SDK1: variants seen among roughly 807,000 people sequenced by gnomAD.
SDK1 encodes protein sidekick-1.
In SDK1, 157 loss-of-function variants were observed where a neutral mutation model predicts 245.5. The observed-to-expected ratio is 0.64, with a 90% CI of 0.56 to 0.73. The LOEUF is 0.73. Ranked by LOEUF, SDK1 falls within the 30% of genes least tolerant of loss-of-function variation. SDK1 has a pLI of 0.00. For missense variants in SDK1, 3,583 were observed against 3,002.3 expected (o/e 1.19, Z -4.52); for synonymous variants, 1,647 against 1,278.5 (o/e 1.29, Z -6.15).
In SDK1 at chr7:3,980,816, C is replaced by T. The variant is rs545293591; in HGVS notation, c.1994+6271C>T. Among the ~76,000 whole-genome samples, 7 of 152,202 alleles carry T rather than the reference C, an allele frequency of 4.6e-5. No homozygotes were observed. The East Asian group carries it at 1.2e-3, about 25-fold the overall frequency. ...AATTAGCCGGGCGTGGTGTTGGGCA[C>T]CTGTAATCCCAGCTACTCAGGAGGC... On this transcript the variant is annotated intron_variant, in intron 13 of 44. Transcript: ENST00000404826.
intron 35 of SDK1, among the ~76,000 whole-genome samples, chr7:4,179,560 G>A (rs752761180): frequency 3.3e-5 from 5 of 152,170 alleles, no homozygotes; most frequent in Admixed American, 6.5e-5. Context: ...GCATACAAAT[G>A]AGGATGCGTG....
intron 5 of SDK1, among the ~76,000 whole-genome samples, chr7:3,920,645 A>G (rs1312574812): frequency 1.3e-5 from 2 of 152,186 alleles, no homozygotes; most frequent in African/African-American, 4.8e-5. Flanking sequence ...GCAAGGCGGC[A>G]CTTAAACTGC....
chr7:4,212,551 G>T (rs899491114), intron 38 of SDK1, among the ~76,000 whole-genome samples: 1 of 152,178 alleles, frequency 6.6e-6, no homozygotes, highest in Non-Finnish European at 1.5e-5. Flanking sequence ...TTCGAGGGGC[G>T]GCCAGGATCT....
At chr7:3,517,883 T>C (rs1050134589) in intron 1 of SDK1, among the ~76,000 whole-genome samples, 4 of 152,186 alleles carry the variant, frequency 2.6e-5, no homozygotes, top group Admixed American at 6.5e-5. Context: ...CTTTTTATTA[T>C]GGTATCTTTA....
chr7:3,482,194 C>G (rs183388903), intron 1 of SDK1, among the ~76,000 whole-genome samples: 8 of 152,096 alleles, frequency 5.3e-5, no homozygotes, highest in Admixed American at 6.5e-5. Context: ...CCTTAAACTA[C>G]CTACCTACTA....
At chr7:3,799,345 A>T (rs933002546) in intron 4 of SDK1, among the ~76,000 whole-genome samples, 1 of 150,632 alleles carries the variant, frequency 6.6e-6, no homozygotes, top group Non-Finnish European at 1.5e-5. Context: ...CCAGTTACTC[A>T]TTTAGGCCCC....
At chr7:4,191,394 CAA>C (rs1398433753) in intron 35 of SDK1, among the ~76,000 whole-genome samples, 2 of 152,264 alleles carry the variant, frequency 1.3e-5, no homozygotes, top group Non-Finnish European at 2.9e-5. Flanking sequence ...TCACTGTAGA[CAA>C]AGGTTGTGGA....
intron 1 of SDK1, among the ~76,000 whole-genome samples, chr7:3,366,629 G>C (rs1781099280): frequency 1.3e-5 from 2 of 152,044 alleles, no homozygotes; most frequent in South Asian, 4.1e-4. Flanking sequence ...TACATTTATG[G>C]GGATAGTTGA....
rs116150529 is a variant in SDK1 at position 3,482,311 on chromosome 7, C to T, written c.299-136769C>T. Among the ~76,000 whole-genome samples, 850 of 152,250 alleles carry T rather than the reference C, an allele frequency of 5.6e-3. 11 individuals are homozygous for T. The highest frequency in any genetic ancestry group is 0.019 in the African/African-American group (804 of 41,534). ...GCAGGGTGAAAAAGGGCAAGCCAGA[C>T]TCTAGGGAGGGCAGCGAGCTCTTAG... is the stretch of plus-strand genomic sequence containing the variant. On this transcript the variant is annotated intron_variant, in intron 1 of 44. Transcript: ENST00000404826.
At chr7:3,590,778 CTTTTTTT>C (rs34165148) in intron 1 of SDK1, among the ~76,000 whole-genome samples, 1 of 115,232 alleles carries the variant, frequency 8.7e-6, no homozygotes, top group African/African-American at 3.5e-5. Context: ...GAGTATAGCA[CTTTTTTT>C]TTTTTTTTTT....
chr7:3,534,849 A>C (rs1778828353), intron 1 of SDK1, among the ~76,000 whole-genome samples: 1 of 152,186 alleles, frequency 6.6e-6, no homozygotes, highest in Admixed American at 6.5e-5. Flanking sequence ...TCATGTTCAA[A>C]ATGGTGGCCC....
In SDK1 at chr7:4,208,251, G is replaced by A. The variant is rs745774711; in HGVS notation, c.5367G>A (p.Lys1789=). Residue 1789 remains lysine, a synonymous_variant, in exon 37 of 45, where the codon AAG becomes AAA. Transcript: ENST00000404826. ...TCAACGCCGCCGGAGATGGACCTAA[G>A]AGTGACCCCCAGCAGGGGCGCACCC... ...SAFNAAGDGP[K]SDPQQGRTHQ... 6 of 1,613,852 alleles carry A rather than the reference G, an allele frequency of 3.7e-6. No individual in the cohort carries two copies. The highest frequency in any genetic ancestry group is 3.3e-5 in the South Asian group (3 of 91,064).
chr7:3,836,914 GCT>G (rs1474579808), intron 5 of SDK1, among the ~76,000 whole-genome samples: 2 of 152,056 alleles, frequency 1.3e-5, no homozygotes, highest in Admixed American at 1.3e-4. Context: ...TCCCTTCCTG[GCT>G]CTTAGAGAGC....
chr7:3,563,135 G>A (rs1779802784), intron 1 of SDK1, among the ~76,000 whole-genome samples: 1 of 152,070 alleles, frequency 6.6e-6, no homozygotes, highest in Admixed American at 6.6e-5. Flanking sequence ...AAAGCAAGAG[G>A]TGCAGCTTTT....
At chr7:4,152,065 T>C (rs1780420131) in intron 30 of SDK1, among the ~76,000 whole-genome samples, 1 of 152,232 alleles carries the variant, frequency 6.6e-6, no homozygotes, top group South Asian at 2.1e-4. Flanking sequence ...CTGCTAGGAC[T>C]CTGTCCTCTC....
chr7:3,537,874 A>G (rs1778932672), intron 1 of SDK1, among the ~76,000 whole-genome samples: 1 of 152,154 alleles, frequency 6.6e-6, no homozygotes, highest in African/African-American at 2.4e-5. Flanking sequence ...AATCCAGGTA[A>G]TCTCCCTGTT....
Position 3,328,407 on chromosome 7 carries a change from G to A in SDK1, c.298+26523G>A, listed in dbSNP as rs1010915255. Among the ~76,000 whole-genome samples, 3 of 152,024 alleles carry A rather than the reference G, an allele frequency of 2.0e-5. No homozygotes were observed. The East Asian group carries it at 5.8e-4, about 29-fold the overall frequency. On this transcript the variant is annotated intron_variant, in intron 1 of 44. Transcript: ENST00000404826. ...AAATGATGATGATGATTTCATTTTA[G>A]ATCATGCTAACATTCTAGTTCAGAT...
At chr7:3,972,360 T>G (rs1782556832) in intron 12 of SDK1, among the ~76,000 whole-genome samples, 1 of 151,898 alleles carries the variant, frequency 6.6e-6, no homozygotes, top group African/African-American at 2.4e-5. Context: ...ATTCCAGGAG[T>G]GAGCTGCCGT....
At chr7:3,574,707 C>T (rs1156387656) in intron 1 of SDK1, among the ~76,000 whole-genome samples, 2 of 152,014 alleles carry the variant, frequency 1.3e-5, no homozygotes, top group African/African-American at 4.8e-5. Flanking sequence ...GAATACTGTA[C>T]TGCCTGGCTT....
Sources: gnomAD v4.1 joint callset for allele counts (sites outside exome capture counted in the v4.1 genomes callset) on GRCh38, gnomAD v4.1.1 for gene constraint, MANE v1.5 for transcripts, NCBI Gene and HGNC (gene_info 2026-07-23, HGNC 2026-07-21) for gene names.